ATP2B3: variants seen among roughly 807,000 people sequenced by gnomAD.
ATP2B3 encodes the protein plasma membrane calcium-transporting ATPase 3.
ATP2B3 carries 12 observed loss-of-function variants against 70.8 expected under a neutral mutation model. That is an observed-to-expected ratio of 0.17 (90% CI 0.11 to 0.27). The LOEUF (loss-of-function observed/expected upper bound fraction) is 0.27, where lower values mean the gene tolerates loss of function less well. ATP2B3 is among the 10% of genes least tolerant of loss of function. The pLI is 1.00. For missense variants in ATP2B3, 858 were observed against 1,118.5 expected (o/e 0.77, Z 3.32); for synonymous variants, 460 against 497.8 (o/e 0.92, Z 1.01).
intron 21 of ATP2B3, among the ~76,000 whole-genome samples, chrX:153,578,337 GC>G (rs1433141305): frequency 9.8e-5 from 11 of 112,755 alleles, no homozygotes; most frequent in African/African-American, 3.5e-4. Context: ...CCCAGGGTCT[GC>G]CTGGCAGCTC....
intron 21 of ATP2B3, among the ~76,000 whole-genome samples, chrX:153,566,752 C>A (rs1239268178): frequency 1.8e-5 from 2 of 111,042 alleles, no homozygotes; most frequent in African/African-American, 6.6e-5. Context: ...CCCCGGCTGC[C>A]TTTCCAATCA....
chrX:153,527,772 C>G (rs941150820), intron 2 of ATP2B3, among the ~76,000 whole-genome samples: 1 of 112,798 alleles, frequency 8.9e-6, no homozygotes, highest in Admixed American at 9.3e-5. Context: ...ACCGGTCGAG[C>G]TTGGTCCTGA....
intron 2 of ATP2B3, among the ~76,000 whole-genome samples, chrX:153,534,952 C>A (rs2090168689): frequency 8.9e-6 from 1 of 112,943 alleles, no homozygotes; most frequent in Non-Finnish European, 1.9e-5. Flanking sequence ...CCAACGGATG[C>A]TTCTGAGCCA....
At position 153,541,669 on chromosome X, in the gene ATP2B3, C is replaced by T; in HGVS notation, c.407C>T (p.Ala136Val). The change falls in exon 5 of 22, where the codon GCC becomes GTC. Residue 136 changes from alanine (A) to valine (V), a missense_variant and splice_region_variant. Coordinates refer to ENST00000263519, the MANE Select transcript of ATP2B3 (RefSeq NM_001001344.3). ...FYAPPGEESE[A>V]CGNVSGGAED... ...TGCTTCCCTTCTGTCCTCCGCACAGCCTGTGGGAATGTGTCGGGAGGCGCA... is the reference window on the plus strand; with the variant it reads ...TGCTTCCCTTCTGTCCTCCGCACAGTCTGTGGGAATGTGTCGGGAGGCGCA... 1 of 1,210,879 alleles carries T rather than the reference C, an allele frequency of 8.3e-7. No individual in the cohort carries two copies. The highest frequency in any genetic ancestry group is 1.1e-6 in the Non-Finnish European group (1 of 895,103).
At chrX:153,526,245 G>C (rs2090031492) in intron 2 of ATP2B3, among the ~76,000 whole-genome samples, 1 of 112,250 alleles carries the variant, frequency 8.9e-6, no homozygotes, top group Admixed American at 9.4e-5. Flanking sequence ...GAGCACAGAG[G>C]GGGCGGGAGG....
chrX:153,547,354 A>G, intron 8 of ATP2B3, among the ~76,000 whole-genome samples: 1 of 111,062 alleles, frequency 9.0e-6, no homozygotes, highest in Non-Finnish European at 1.9e-5. Flanking sequence ...AGGGTGCTGG[A>G]GGGACAGATG....
At chrX:153,540,876 C>T (rs1177878824) in intron 3 of ATP2B3, among the ~76,000 whole-genome samples, 2 of 112,409 alleles carry the variant, frequency 1.8e-5, no homozygotes, top group Non-Finnish European at 3.8e-5. Context: ...GTCCCCTGGA[C>T]ACTCGCTCTC....
intron 2 of ATP2B3, among the ~76,000 whole-genome samples, chrX:153,520,277 C>T (rs1005267145): frequency 8.9e-6 from 1 of 112,604 alleles, no homozygotes; most frequent in Non-Finnish European, 1.9e-5. Flanking sequence ...CTTGCCTGCC[C>T]GGTAGACAGG....
rs1267902439 is a variant in ATP2B3 at position 153,572,797 on chromosome X, G to A, written c.3343-7181G>A. On this transcript the variant is annotated intron_variant, in intron 21 of 21. Transcript: ENST00000263519. ...CACAGTATCACCCTCCCTGTTGGGT[G>A]TCCATATTCCGGAGAGCTGGTCAGG... Among the ~76,000 whole-genome samples, 3 of 111,813 alleles carry A rather than the reference G, an allele frequency of 2.7e-5. No homozygotes were observed. The Admixed American group carries it at 2.8e-4, about 11-fold the overall frequency.
chrX:153,578,727 C>T (rs965827444), intron 21 of ATP2B3, among the ~76,000 whole-genome samples: 16 of 112,360 alleles, frequency 1.4e-4, no homozygotes, highest in African/African-American at 5.2e-4. Flanking sequence ...TCTGCAAACT[C>T]CTGTGGGGAG....
intron 7 of ATP2B3, among the ~76,000 whole-genome samples, chrX:153,543,676 C>T (rs1269012144): frequency 8.8e-6 from 1 of 113,046 alleles, no homozygotes; most frequent in Admixed American, 9.2e-5. Flanking sequence ...GCCCATTCCT[C>T]GTCCTGTGGC....
chrX:153,524,181 C>G (rs1294882197), intron 2 of ATP2B3, among the ~76,000 whole-genome samples: 10 of 110,225 alleles, frequency 9.1e-5, no homozygotes, highest in African/African-American at 3.3e-4. Flanking sequence ...AAATCCCTTT[C>G]GGAAATTTGA....
At chrX:153,569,900 T>A in intron 21 of ATP2B3, 1 of 659,552 alleles carries the variant, frequency 1.5e-6, no homozygotes, top group Non-Finnish European at 2.3e-6. Context: ...GTCCAGTCCT[T>A]CCCGCCCAGA....
At chrX:153,562,912 G>A (rs1363208409) in intron 20 of ATP2B3, among the ~76,000 whole-genome samples, 3 of 112,063 alleles carry the variant, frequency 2.7e-5, no homozygotes, top group Non-Finnish European at 3.8e-5. Context: ...TTCCTGGCTT[G>A]CAGACAGCCG....
At chrX:153,552,923 C>T in intron 12 of ATP2B3, 112 bp from the exon 13 acceptor site, 1 of 603,041 alleles carries the variant, frequency 1.7e-6, no homozygotes. Context: ...CGGGGCACTC[C>T]TCTCTGATAA....
At position 153,556,128 on chromosome X, in the gene ATP2B3, G is replaced by A. The variant is rs1557013353; in HGVS notation, c.2138G>A (p.Arg713Gln). 7 of 1,212,392 alleles carry A rather than the reference G, an allele frequency of 5.8e-6. No individual in the cohort carries two copies. Among genetic ancestry groups the A allele is most frequent in the East Asian group, 3.0e-5 (1 of 33,861 alleles). ...ACTGGGGACAACATCAACACGGCCC[G>A]GGCCATCGCAGCCAAATGCGGCATC... The part of the protein sequence containing the change: ...MVTGDNINTA[R>Q]AIAAKCGIIQ... The change falls in exon 14 of 22, where the codon CGG (arginine) becomes CAG (glutamine). Residue 713 changes from arginine (R) to glutamine (Q), a missense_variant. Arg to Gln is a conservative substitution (Grantham distance 43, BLOSUM62 1). Around this residue, in one of 5 missense-constraint regions of ATP2B3, gnomAD observed 242 missense variants for 281.3 expected, o/e 0.86. Coordinates refer to ENST00000263519, the MANE Select transcript of ATP2B3 (RefSeq NM_001001344.3).
chrX:153,570,993 C>CGT (rs1557019694), intron 21 of ATP2B3, among the ~76,000 whole-genome samples: 3 of 79,371 alleles, frequency 3.8e-5, no homozygotes, highest in African/African-American at 1.5e-4. Context: ...GAACAGAGCA[C>CGT]GTGCGCGCGT....
At chrX:153,557,885 C>A (rs993129578) in intron 16 of ATP2B3, among the ~76,000 whole-genome samples, 15 of 107,552 alleles carry the variant, frequency 1.4e-4, no homozygotes, top group African/African-American at 4.7e-4. Flanking sequence ...GAGCAAAGCC[C>A]CCCCCCCCAC....
chrX:153,551,650 TTGGAGAC>T (rs1412553084), intron 12 of ATP2B3, among the ~76,000 whole-genome samples: 3 of 112,210 alleles, frequency 2.7e-5, no homozygotes, highest in African/African-American at 9.7e-5. Flanking sequence ...TTTTCTGGAA[TTGGAGAC>T]TGGTGATGGT....
Sources: gnomAD v4.1 joint callset for allele counts (sites outside exome capture counted in the v4.1 genomes callset) on GRCh38, gnomAD v4.1.1 for gene constraint, gnomAD v4.1.1 regional missense constraint, MANE v1.5 for transcripts, NCBI Gene and HGNC (gene_info 2026-07-23, HGNC 2026-07-21) for gene names.